NCAM1: variants seen among roughly 807,000 people sequenced by gnomAD.
NCAM1 encodes neural cell adhesion molecule 1.
In NCAM1, 14 loss-of-function variants were observed where a neutral mutation model predicts 109.8. The observed-to-expected ratio is 0.13, with a 90% CI of 0.08 to 0.20. NCAM1 has a LOEUF of 0.20. Ranked by LOEUF, NCAM1 falls within the 10% of genes least tolerant of loss-of-function variation. The pLI, the probability that NCAM1 is intolerant of heterozygous loss-of-function variation, is 1.00. For synonymous variants in NCAM1, 418 were observed against 442.9 expected, an observed-to-expected ratio of 0.94 and a Z score of 0.70; for missense variants, 774 against 1,109.9, an observed-to-expected ratio of 0.70 and a Z score of 4.30.
At chr11:113,046,444 C>T (rs1186589954) in intron 1 of NCAM1, among the ~76,000 whole-genome samples, 1 of 152,172 alleles carries the variant, frequency 6.6e-6, no homozygotes, top group African/African-American at 2.4e-5. Context: ...CATAACTTCC[C>T]CTTTATGTTT....
At chr11:113,123,958 C>T (rs1385577391) in intron 1 of NCAM1, among the ~76,000 whole-genome samples, 4 of 152,076 alleles carry the variant, frequency 2.6e-5, no homozygotes, top group East Asian at 1.9e-4. Context: ...TTTGCCTGCT[C>T]AGGGTGGTTG....
intron 1 of NCAM1, among the ~76,000 whole-genome samples, chr11:113,127,510 G>A (rs1415792415): frequency 2.0e-5 from 3 of 152,198 alleles, no homozygotes; most frequent in Non-Finnish European, 4.4e-5. Context: ...TATAATGGAA[G>A]TATAAATGCA....
rs967768259 is a variant in NCAM1 at position 113,034,626 on chromosome 11, C to T, written c.52+72962C>T. Among the ~76,000 whole-genome samples the T allele has an allele frequency of 6.6e-5, 10 of 152,144 alleles. No individual in the cohort carries two copies. The South Asian group carries it at 1.4e-3, about 22-fold the overall frequency. On this transcript the variant is annotated intron_variant, in intron 1 of 19. Coordinates refer to ENST00000316851, the MANE Select transcript of NCAM1 (RefSeq NM_181351.5). ...ACCTGGACGATGTGTGATTGGGTGA[C>T]AGCTCCAATCTGTTAACATCTCATG...
intron 1 of NCAM1, among the ~76,000 whole-genome samples, chr11:113,142,196 G>C (rs1377444143): frequency 6.6e-6 from 1 of 152,102 alleles, no homozygotes; most frequent in African/African-American, 2.4e-5. Flanking sequence ...CCTATGAGAT[G>C]GGAATTTGAT....
At chr11:113,265,244 C>A in intron 17 of NCAM1, 1 of 830,640 alleles carries the variant, frequency 1.2e-6, no homozygotes, top group Non-Finnish European at 1.5e-6. Flanking sequence ...TCTGACAAAG[C>A]AGCAAAGACC....
chr11:113,103,811 G>T (rs1294810350), intron 1 of NCAM1, among the ~76,000 whole-genome samples: 1 of 152,132 alleles, frequency 6.6e-6, no homozygotes, highest in Non-Finnish European at 1.5e-5. Context: ...TGGGCGATAT[G>T]CAAATGAAGG....
At chr11:113,235,833 C>T (rs901413473) in intron 14 of NCAM1, among the ~76,000 whole-genome samples, 1 of 152,196 alleles carries the variant, frequency 6.6e-6, no homozygotes, top group Non-Finnish European at 1.5e-5. Flanking sequence ...TTTAACTACG[C>T]CTATCCCACT....
chr11:113,054,922 G>C (rs182059419), intron 1 of NCAM1, among the ~76,000 whole-genome samples: 91 of 152,240 alleles, frequency 6.0e-4, no homozygotes, highest in Middle Eastern at 3.4e-3. Flanking sequence ...TTGAGACAAA[G>C]TTATACCTTA....
In NCAM1 at chr11:113,275,614, C is replaced by G. The variant is rs1401721205; in HGVS notation, c.*227C>G. ...AGAAAGGGTCCCTTTGTTGCACACTCACTTGTAAGAAAATGAGACAAAAAG... is the reference window on the plus strand; with the variant it reads ...AGAAAGGGTCCCTTTGTTGCACACTGACTTGTAAGAAAATGAGACAAAAAG... On this transcript the variant is annotated 3_prime_UTR_variant, in exon 20 of 20. Coordinates refer to ENST00000316851, the MANE Select transcript of NCAM1 (RefSeq NM_181351.5). The G allele has an allele frequency of 2.2e-6, 1 of 455,332 alleles. No homozygotes were observed. Among genetic ancestry groups the G allele is most frequent in the African/African-American group, 2.0e-5 (1 of 49,574 alleles). 28.2% of individuals were successfully genotyped at this position (455,332 alleles called of 1,614,324 possible).
chr11:113,191,705 AG>A (rs1943678909), intron 1 of NCAM1, among the ~76,000 whole-genome samples: 1 of 152,056 alleles, frequency 6.6e-6, no homozygotes, highest in Non-Finnish European at 1.5e-5. Context: ...AGATAGAGAT[AG>A]ATAGATACAC....
At chr11:113,000,403 C>T (rs1951715325) in intron 1 of NCAM1, among the ~76,000 whole-genome samples, 1 of 151,964 alleles carries the variant, frequency 6.6e-6, no homozygotes, top group African/African-American at 2.4e-5. Flanking sequence ...GCCTCTTTTT[C>T]AAGATTCTGA....
intron 1 of NCAM1, among the ~76,000 whole-genome samples, chr11:113,189,408 C>A (rs782227769): frequency 1.3e-5 from 2 of 148,932 alleles, no homozygotes; most frequent in Non-Finnish European, 3.0e-5. Context: ...CGAGATCATG[C>A]CACTGCAGTC....
chr11:113,173,410 A>T (rs200148886), intron 1 of NCAM1, among the ~76,000 whole-genome samples: 1 of 150,762 alleles, frequency 6.6e-6, no homozygotes, highest in South Asian at 2.1e-4. Context: ...GTGGCGGGGG[A>T]GCTGTGCGAT....
At chr11:113,071,657 C>T (rs1050026556) in intron 1 of NCAM1, among the ~76,000 whole-genome samples, 4 of 152,036 alleles carry the variant, frequency 2.6e-5, no homozygotes, top group Non-Finnish European at 5.9e-5. Flanking sequence ...AATCTCCTGA[C>T]CTCGTGATCC....
intron 16 of NCAM1, among the ~76,000 whole-genome samples, chr11:113,256,469 G>C (rs1388215248): frequency 6.6e-6 from 1 of 152,146 alleles, no homozygotes; most frequent in East Asian, 1.9e-4. Flanking sequence ...TGAAGTAAGT[G>C]GGTGTACAGC....
At chr11:113,183,894 A>C (rs1434956034) in intron 1 of NCAM1, among the ~76,000 whole-genome samples, 1 of 152,212 alleles carries the variant, frequency 6.6e-6, no homozygotes, top group Non-Finnish European at 1.5e-5. Context: ...GGAAACAAAA[A>C]GATTGTATAG....
intron 1 of NCAM1, among the ~76,000 whole-genome samples, chr11:112,981,670 T>C (rs112352088): frequency 0.011 from 1,705 of 152,006 alleles, 25 homozygotes; most frequent in African/African-American, 0.039. Flanking sequence ...TTGGTGTATT[T>C]GGTGCAGCTA....
At chr11:113,271,363 CTG>C (rs1555125289) in intron 18 of NCAM1, among the ~76,000 whole-genome samples, 1 of 88,674 alleles carries the variant, frequency 1.1e-5, no homozygotes, top group African/African-American at 5.0e-5. Context: ...TAGAGAGACT[CTG>C]TCTCAAAAAA....
chr11:113,100,702 T>C (rs1555091343), intron 1 of NCAM1, among the ~76,000 whole-genome samples: 2 of 151,842 alleles, frequency 1.3e-5, no homozygotes, highest in African/African-American at 2.4e-5. Flanking sequence ...GCCAGTGGAG[T>C]TTGGGGTTTT....
Sources: gnomAD v4.1 joint callset for allele counts (sites outside exome capture counted in the v4.1 genomes callset) on GRCh38, gnomAD v4.1.1 for gene constraint, MANE v1.5 for transcripts, NCBI Gene and HGNC (gene_info 2026-07-23, HGNC 2026-07-21) for gene names.